The following PDPR variants were observed in gnomAD, a reference collection of about 807,000 sequenced individuals.
The protein encoded by PDPR is pyruvate dehydrogenase phosphatase regulatory subunit.
PDPR carries 50 observed loss-of-function variants against 102.2 expected under a neutral mutation model. The ratio of observed to expected loss-of-function variants is 0.49; its 90% CI spans 0.39 to 0.62. The LOEUF (loss-of-function observed/expected upper bound fraction) is 0.62, where lower values mean the gene tolerates loss of function less well. PDPR is among the 20% of genes least tolerant of loss of function. The pLI, the probability that PDPR is intolerant of heterozygous loss-of-function variation, is 0.00. For missense variants in PDPR, 625 were observed against 1,098.2 expected, an observed-to-expected ratio of 0.57 and a Z score of 6.09; for synonymous variants, 259 against 406.0, an observed-to-expected ratio of 0.64 and a Z score of 4.35.
chr16:70,139,765 G>A (rs1032351798), intron 11 of PDPR, among the ~76,000 whole-genome samples: 1 of 152,212 alleles, frequency 6.6e-6, no homozygotes, highest in Non-Finnish European at 1.5e-5. Flanking sequence ...GTACTGAGGA[G>A]CTGTTCTCAG....
rs1304192565 is a variant in PDPR at position 70,157,371 on chromosome 16, C to G, written c.*492C>G. ...AGCTCGTGCCTGCAGCCCGGCAGCT[C>G]GTTCTCCTGTTCTGCTGTGCTGTGG... On this transcript the variant is annotated 3_prime_UTR_variant, in exon 19 of 19. Transcript: ENST00000288050. 4 of 369,672 alleles carry G rather than the reference C, an allele frequency of 1.1e-5. No homozygotes were observed. The highest frequency in any genetic ancestry group is 1.1e-5 in the Non-Finnish European group (2 of 188,470). The allele number at this position is 369,672 out of a possible 1,614,324, so 22.9% of individuals were successfully genotyped here. A position where few individuals can be genotyped will look rare whatever the true frequency, so the allele number is the denominator to read the frequency against.
intron 17 of PDPR, among the ~76,000 whole-genome samples, chr16:70,152,897 G>A (rs977256793): frequency 2.6e-5 from 4 of 152,292 alleles, no homozygotes; most frequent in East Asian, 1.9e-4. Context: ...TGGCTCCCCC[G>A]CCGTCATCCG....
At chr16:70,135,579 A>G (rs1965043242) in intron 9 of PDPR, among the ~76,000 whole-genome samples, 1 of 152,288 alleles carries the variant, frequency 6.6e-6, no homozygotes, top group African/African-American at 2.4e-5. Context: ...CCGCCATTTA[A>G]GAGCTTTTCC....
rs1007326122 is a variant in PDPR at position 70,159,193 on chromosome 16, C to T, written c.*2314C>T. 10 of 152,458 alleles carry T rather than the reference C, an allele frequency of 6.6e-5. No homozygotes were observed. The highest frequency in any genetic ancestry group is 1.9e-4 in the East Asian group (1 of 5,194). The allele number at this position is 152,458 out of a possible 1,614,324, so 9.4% of individuals were successfully genotyped here. The stretch of plus-strand genomic sequence containing the variant: ...TCCAACTAATTACTACAGATTGACA[C>T]GTTTTTAATTAGCTGTCCTTTGTAA... On this transcript the variant is annotated 3_prime_UTR_variant, in exon 19 of 19. Transcript: ENST00000288050.
At chr16:70,122,854 T>TACACACACACACACACACACACACACAC (rs71151173) in intron 3 of PDPR, among the ~76,000 whole-genome samples, 93 of 145,500 alleles carry the variant, frequency 6.4e-4, no homozygotes, top group African/African-American at 2.0e-3. Flanking sequence ...TATACACACA[T>TACACACACACACACACACACACACACAC]ACACACACAC....
chr16:70,138,865 C>T (rs369241224), intron 10 of PDPR, 34 bp from the exon 11 acceptor site: 2 of 1,610,728 alleles, frequency 1.2e-6, no homozygotes, highest in African/African-American at 2.7e-5. Context: ...AAATCTCACA[C>T]CTGAGCCCCA....
intron 18 of PDPR, among the ~76,000 whole-genome samples, chr16:70,154,712 G>T (rs1259419974): frequency 6.6e-6 from 1 of 152,140 alleles, no homozygotes; most frequent in African/African-American, 2.4e-5. Context: ...GCGCGATGTT[G>T]GCTCACTGCA....
chr16:70,143,125 G>A (rs1965898269), intron 13 of PDPR, among the ~76,000 whole-genome samples: 1 of 152,204 alleles, frequency 6.6e-6, no homozygotes, highest in South Asian at 2.1e-4. Flanking sequence ...TGAGGTGGAG[G>A]TTGCAGTGAG....
chr16:70,143,371 GT>G (rs1175090876), intron 13 of PDPR, 138 bp from the exon 14 acceptor site: 2 of 1,026,816 alleles, frequency 1.9e-6, no homozygotes, highest in African/African-American at 3.3e-5. Context: ...GCTTCTTGCA[GT>G]GGAGTAGGTC....
Position 70,132,244 on chromosome 16 carries a change from C to A in PDPR, c.941C>A (p.Thr314Asn). ...GAGAAGAACCCGAAACCAATTTTCA[C>A]TGAGGGCAAGAACCAGCTGGAGATT... ...GFEKNPKPIF[T>N]EGKNQLEIQN... The change falls in exon 9 of 19, where the codon ACT becomes AAT. Residue 314 changes from threonine to asparagine, a missense_variant. Around this residue, in one of 11 missense-constraint regions of PDPR, gnomAD observed 50 missense variants for 79.9 expected, o/e 0.63. Transcript: ENST00000288050. 1 of 1,614,008 alleles carries A rather than the reference C, an allele frequency of 6.2e-7. No homozygotes were observed. The highest frequency in any genetic ancestry group is 1.1e-5 in the South Asian group (1 of 91,074).
chr16:70,132,239 T>A lies in PDPR; in HGVS notation c.936T>A (p.Ile312=). ...SGGFEKNPKP[I]FTEGKNQLEI... ...GCTTTGAGAAGAACCCGAAACCAAT[T>A]TTCACTGAGGGCAAGAACCAGCTGG... The change falls in exon 9 of 19, where the codon ATT becomes ATA. Residue 312 remains isoleucine (I), a synonymous_variant. Transcript: ENST00000288050. The A allele has an allele frequency of 6.2e-7, 1 of 1,614,030 alleles. No individual in the cohort carries two copies. The highest frequency in any genetic ancestry group is 1.3e-5 in the African/African-American group (1 of 75,074).
Position 70,132,287 on chromosome 16 carries a change from C to T in PDPR, c.984C>T (p.Asp328=), listed in dbSNP as rs1161822414. Residue 328 remains aspartate, a synonymous_variant, in exon 9 of 19, where the codon GAC becomes GAT. Coordinates refer to ENST00000288050, the MANE Select transcript of PDPR (RefSeq NM_017990.5). The part of the protein sequence containing the change: ...NQLEIQNLQE[D]WDHFEPLLSS... ...TGGAGATTCAGAATCTACAGGAAGACTGGGATCACTTTGGTATGTGAACTG... is the reference window on the plus strand; with the variant it reads ...TGGAGATTCAGAATCTACAGGAAGATTGGGATCACTTTGGTATGTGAACTG... 2 of 1,613,828 alleles carry T rather than the reference C, an allele frequency of 1.2e-6. No individual in the cohort carries two copies. Among genetic ancestry groups the T allele is most frequent in the East Asian group, 2.2e-5 (1 of 44,886 alleles).
chr16:70,141,259 G>A (rs1278399090), intron 11 of PDPR, among the ~76,000 whole-genome samples: 1 of 152,210 alleles, frequency 6.6e-6, no homozygotes, highest in African/African-American at 2.4e-5. Flanking sequence ...TCACCACATT[G>A]GTCAGGCTGA....
At chr16:70,129,330 T>C (rs1964305387) in intron 6 of PDPR, among the ~76,000 whole-genome samples, 1 of 152,290 alleles carries the variant, frequency 6.6e-6, no homozygotes, top group Admixed American at 6.5e-5. Flanking sequence ...TCTAAAGAAC[T>C]GCTTTTAGTG....
chr16:70,123,427 G>A (rs1183643884), intron 3 of PDPR, among the ~76,000 whole-genome samples: 1 of 152,124 alleles, frequency 6.6e-6, no homozygotes, highest in East Asian at 1.9e-4. Flanking sequence ...TGGTAGAGAC[G>A]TGATTTCACC....
At chr16:70,114,660 C>T (rs1171848149) in intron 1 of PDPR, among the ~76,000 whole-genome samples, 161 bp from the exon 2 acceptor site, 1 of 152,244 alleles carries the variant, frequency 6.6e-6, no homozygotes, top group African/African-American at 2.4e-5. Flanking sequence ...CTTGTGTTCT[C>T]GGCTACCCCT....
In PDPR at chr16:70,132,271, A is replaced by G; in HGVS notation, c.968A>G (p.Gln323Arg). The G allele has an allele frequency of 6.2e-7, 1 of 1,613,960 alleles. No homozygotes were observed. Among genetic ancestry groups the G allele is most frequent in the Non-Finnish European group, 8.5e-7 (1 of 1,179,794 alleles). Residue 323 changes from glutamine to arginine, a missense_variant, in exon 9 of 19, where the codon CAG (glutamine) becomes CGG (arginine). By Grantham distance (43) the Gln-to-Arg change is conservative (BLOSUM62 1). This residue lies in a region of PDPR where 50 missense variants were observed against 79.9 expected (regional missense o/e 0.63). Coordinates refer to ENST00000288050, the MANE Select transcript of PDPR (RefSeq NM_017990.5). ...GAGGGCAAGAACCAGCTGGAGATTC[A>G]GAATCTACAGGAAGACTGGGATCAC... ...FTEGKNQLEI[Q>R]NLQEDWDHFE...
intron 3 of PDPR, among the ~76,000 whole-genome samples, chr16:70,121,552 C>G (rs1359043845): frequency 6.6e-6 from 1 of 152,082 alleles, no homozygotes; most frequent in Non-Finnish European, 1.5e-5. Flanking sequence ...ATTAGCTGGG[C>G]GTGGTGGTGT....
At chr16:70,151,711 C>A (rs2152118069) in intron 17 of PDPR, among the ~76,000 whole-genome samples, 1 of 152,394 alleles carries the variant, frequency 6.6e-6, no homozygotes, top group Non-Finnish European at 1.5e-5. Context: ...TGGGCTGTTC[C>A]CATTCTTATG....
Sources: gnomAD v4.1 joint callset for allele counts (sites outside exome capture counted in the v4.1 genomes callset) on GRCh38, gnomAD v4.1.1 for gene constraint, gnomAD v4.1.1 regional missense constraint, MANE v1.5 for transcripts, NCBI Gene and HGNC (gene_info 2026-07-23, HGNC 2026-07-21) for gene names.